DEPDC1B: variants seen among roughly 807,000 people sequenced by gnomAD.
DEPDC1B encodes the protein DEP domain containing 1B.
Under a neutral mutation model 66.5 loss-of-function variants are expected in DEPDC1B, and 51 were observed. The ratio of observed to expected loss-of-function variants is 0.77; its 90% CI spans 0.61 to 0.97. DEPDC1B has a LOEUF of 0.97. Ranked by LOEUF, DEPDC1B falls within the 50% of genes least tolerant of loss-of-function variation. The pLI is 0.00. For missense variants in DEPDC1B, 552 were observed against 637.1 expected (o/e 0.87, Z 1.44); for synonymous variants, 226 against 223.6 (o/e 1.01, Z -0.10).
intron 7 of DEPDC1B, chr5:60,628,666 C>T (rs1352669934): frequency 6.6e-6 from 1 of 152,120 alleles, no homozygotes; most frequent in Admixed American, 6.5e-5. Flanking sequence ...GAAACAGGCA[C>T]CATTGGAAAT....
chr5:60,615,387 C>G (rs1267456791), intron 7 of DEPDC1B, among the ~76,000 whole-genome samples: 2 of 152,180 alleles, frequency 1.3e-5, no homozygotes, highest in Non-Finnish European at 2.9e-5. Context: ...CAGGGAATTC[C>G]CTTTCCTAGT....
chr5:60,698,770 A>T (rs1359639731), intron 1 of DEPDC1B, among the ~76,000 whole-genome samples: 4 of 151,172 alleles, frequency 2.6e-5, no homozygotes, highest in Non-Finnish European at 5.9e-5. Context: ...GGTTCAAGAG[A>T]TTCTCCTGCC....
At chr5:60,689,151 TA>T in intron 1 of DEPDC1B, 16 of 423,824 alleles carry the variant, frequency 3.8e-5, no homozygotes, top group East Asian at 1.5e-4. Flanking sequence ...GGTTGAGAAC[TA>T]AAAAAAATCC....
At chr5:60,623,188 T>A (rs910121511) in intron 7 of DEPDC1B, among the ~76,000 whole-genome samples, 2 of 152,178 alleles carry the variant, frequency 1.3e-5, no homozygotes, top group Non-Finnish European at 2.9e-5. Flanking sequence ...GTATAAAGGT[T>A]CACTTTTTCC....
intron 7 of DEPDC1B, among the ~76,000 whole-genome samples, chr5:60,625,267 G>A (rs909284737): frequency 2.6e-5 from 4 of 152,052 alleles, no homozygotes; most frequent in Non-Finnish European, 4.4e-5. Context: ...ACCCAGTAAC[G>A]GGATGGCTGG....
In DEPDC1B at chr5:60,687,053, G is replaced by T. The variant is rs1164251249; in HGVS notation, c.223C>A (p.Leu75Met). 1 of 1,614,172 alleles carries T rather than the reference G, an allele frequency of 6.2e-7. No individual in the cohort carries two copies. Residue 75 changes from leucine (L) to methionine (M), a missense_variant, in exon 2 of 11, where the codon CTG (leucine) becomes ATG (methionine). By Grantham distance (15) the Leu-to-Met change is conservative. Transcript: ENST00000265036. ...PEVTRKQTVQ[L>M]LKKFLKNHVI... ...TGATTCTTCAGGAATTTTTTTAGCAGCTGGACCGTTTGTTTGCGGGTCACT... is the reference window on the plus strand; with the variant it reads ...TGATTCTTCAGGAATTTTTTTAGCATCTGGACCGTTTGTTTGCGGGTCACT...
intron 2 of DEPDC1B, among the ~76,000 whole-genome samples, chr5:60,662,537 C>A (rs983623088): frequency 6.6e-6 from 1 of 152,186 alleles, no homozygotes; most frequent in African/African-American, 2.4e-5. Context: ...CTGCTTTAGT[C>A]ATGGCCCTCA....
chr5:60,645,447 G>T (rs918684504), intron 4 of DEPDC1B, 45 bp downstream of exon 4: 2 of 1,503,500 alleles, frequency 1.3e-6, no homozygotes, highest in South Asian at 1.4e-5. Context: ...AGCAAAATAG[G>T]AAACAATATC....
chr5:60,605,768 T>C lies in DEPDC1B; in HGVS notation c.987A>G (p.Leu329=). 2 of 1,613,768 alleles carry C rather than the reference T, an allele frequency of 1.2e-6. No individual in the cohort carries two copies. The highest frequency in any genetic ancestry group is 1.7e-6 in the Non-Finnish European group (2 of 1,179,826). ...AAATCCTTGCCATCATCCTCATCAATAGCTGTAACTTTCTCCTATTTTCAG... is the reference window on the plus strand; with the variant it reads ...AAATCCTTGCCATCATCCTCATCAACAGCTGTAACTTTCTCCTATTTTCAG... The part of the protein sequence containing the change: ...LPPENRRKLQ[L]LMRMMARICL... The change falls in exon 8 of 11, where the codon CTA becomes CTG. Residue 329 remains leucine, a synonymous_variant. Transcript: ENST00000265036.
intron 2 of DEPDC1B, among the ~76,000 whole-genome samples, chr5:60,664,135 C>A (rs1561381945): frequency 6.6e-6 from 1 of 152,192 alleles, no homozygotes; most frequent in Non-Finnish European, 1.5e-5. Flanking sequence ...AACCTATGCC[C>A]CAGTGTTAAG....
intron 2 of DEPDC1B, among the ~76,000 whole-genome samples, chr5:60,683,701 A>C (rs1024480251): frequency 2.6e-5 from 4 of 152,166 alleles, no homozygotes; most frequent in Non-Finnish European, 4.4e-5. Flanking sequence ...GAATTAGAAC[A>C]AGATAAGATG....
chr5:60,627,141 C>T (rs1752823611), intron 7 of DEPDC1B, among the ~76,000 whole-genome samples: 1 of 152,084 alleles, frequency 6.6e-6, no homozygotes, highest in Non-Finnish European at 1.5e-5. Context: ...TGCTTAGATT[C>T]TAAAAACTAG....
chr5:60,628,170 T>C (rs1013028075), intron 7 of DEPDC1B: 1 of 152,196 alleles, frequency 6.6e-6, no homozygotes, highest in East Asian at 1.9e-4. Flanking sequence ...TGCAATCAAG[T>C]ACAGAATTAT....
At chr5:60,648,919 C>T (rs1374564488) in intron 2 of DEPDC1B, among the ~76,000 whole-genome samples, 2 of 152,134 alleles carry the variant, frequency 1.3e-5, no homozygotes, top group African/African-American at 4.8e-5. Context: ...CAACAAATGC[C>T]CATTTCCAGA....
intron 7 of DEPDC1B, among the ~76,000 whole-genome samples, chr5:60,629,649 C>A (rs1273916555): frequency 6.6e-5 from 10 of 152,182 alleles, no homozygotes. Context: ...TAGTCAAATT[C>A]ATGTCTTCTA....
intron 2 of DEPDC1B, among the ~76,000 whole-genome samples, chr5:60,685,294 T>C (rs927927995): frequency 2.0e-5 from 3 of 152,002 alleles, no homozygotes; most frequent in East Asian, 3.9e-4. Flanking sequence ...ACGGATTTCA[T>C]CCCAGCTTAA....
intron 7 of DEPDC1B, among the ~76,000 whole-genome samples, chr5:60,614,567 T>C (rs1752497095): frequency 6.6e-6 from 1 of 152,250 alleles, no homozygotes; most frequent in Non-Finnish European, 1.5e-5. Context: ...TTTTTTTTAA[T>C]TTATCATATG....
intron 7 of DEPDC1B, among the ~76,000 whole-genome samples, chr5:60,620,466 A>G (rs1752676175): frequency 6.6e-6 from 1 of 152,256 alleles, no homozygotes; most frequent in East Asian, 1.9e-4. Context: ...AACCCCATCA[A>G]CAAGTAGGCG....
intron 2 of DEPDC1B, among the ~76,000 whole-genome samples, chr5:60,657,493 G>C (rs908224174): frequency 6.6e-6 from 1 of 152,154 alleles, no homozygotes. Flanking sequence ...TAGCTTGGTA[G>C]TAGCAAATTC....
Sources: gnomAD v4.1 joint callset for allele counts (sites outside exome capture counted in the v4.1 genomes callset) on GRCh38, gnomAD v4.1.1 for gene constraint, MANE v1.5 for transcripts, NCBI Gene and HGNC (gene_info 2026-07-23, HGNC 2026-07-21) for gene names.